Variants in SDAD1 observed in about 807,000 individuals in gnomAD.
SDAD1 encodes the protein SDA1 domain containing 1.
SDAD1 carries 79 observed loss-of-function variants against 100.3 expected under a neutral mutation model. The observed-to-expected ratio is 0.79, with a 90% CI of 0.66 to 0.95. The LOEUF is 0.95. SDAD1 is among the 40% of genes least tolerant of loss of function. The pLI is 0.00. For missense variants in SDAD1, 790 were observed against 810.9 expected, an observed-to-expected ratio of 0.97 and a Z score of 0.31; for synonymous variants, 267 against 271.4, an observed-to-expected ratio of 0.98 and a Z score of 0.16.
intron 1 of SDAD1, 178 bp downstream of exon 1, chr4:75,990,574 G>A: frequency 7.5e-7 from 1 of 1,335,512 alleles, no homozygotes. Flanking sequence ...TCAAGAGGTG[G>A]GGAACGAACC....
chr4:75,949,958 G>A lies in SDAD1; in HGVS notation c.*792C>T, dbSNP rs990636243. ...TTTTATTGAGACAAGGTAAACAGTG[G>A]GCTGAAAATATTACAGGCTGAAGGA... On this transcript the variant is annotated 3_prime_UTR_variant, in exon 22 of 22. Coordinates refer to ENST00000356260, the MANE Select transcript of SDAD1 (RefSeq NM_018115.4). 10 of 152,428 alleles carry A rather than the reference G, an allele frequency of 6.6e-5. No individual in the cohort carries two copies. The highest frequency in any genetic ancestry group is 2.2e-4 in the African/African-American group (9 of 41,370). The allele number at this position is 152,428 out of a possible 1,614,324, so 9.4% of individuals were successfully genotyped here.
chr4:75,980,071 T>C (rs759559659), intron 3 of SDAD1, among the ~76,000 whole-genome samples: 5 of 152,196 alleles, frequency 3.3e-5, no homozygotes, highest in Non-Finnish European at 7.3e-5. Flanking sequence ...AAAGAAATCC[T>C]AATTACTTGG....
chr4:75,958,277 T>C (rs1043506853), intron 17 of SDAD1, among the ~76,000 whole-genome samples: 1 of 152,206 alleles, frequency 6.6e-6, no homozygotes, highest in Non-Finnish European at 1.5e-5. Context: ...ATGAAAATCA[T>C]GTCTACCTTT....
Position 75,961,304 on chromosome 4 carries a change from T to G in SDAD1, c.1186A>C (p.Asn396His). Residue 396 changes from asparagine (N) to histidine (H), a missense_variant, in exon 15 of 22, where the codon AAT becomes CAT. Transcript: ENST00000356260. ...NSGEVMTVGINAIKEITARCP... is the reference protein window; with the variant it reads ...NSGEVMTVGIHAIKEITARCP... Reference sequence around the variant, plus strand: ...CGAGCTGTTATCTCCTTTATAGCATTGATTCTAGAAAAAGAAAAACAAAGT... The same window carrying G: ...CGAGCTGTTATCTCCTTTATAGCATGGATTCTAGAAAAAGAAAAACAAAGT... The G allele has an allele frequency of 6.2e-7, 1 of 1,610,452 alleles. No individual in the cohort carries two copies. The highest frequency in any genetic ancestry group is 8.5e-7 in the Non-Finnish European group (1 of 1,178,128).
chr4:75,983,251 A>C (rs1262132747), intron 1 of SDAD1, among the ~76,000 whole-genome samples: 1 of 152,204 alleles, frequency 6.6e-6, no homozygotes, highest in Non-Finnish European at 1.5e-5. Flanking sequence ...TGCAATAAAC[A>C]TATGTGTACA....
chr4:75,990,647 G>T, intron 1 of SDAD1, 105 bp downstream of exon 1: 1 of 1,601,122 alleles, frequency 6.2e-7, no homozygotes, highest in Non-Finnish European at 8.5e-7. Flanking sequence ...CCTAACAGAA[G>T]AATAGGCGGC....
intron 2 of SDAD1, 131 bp downstream of exon 2, chr4:75,981,800 CAA>C (rs1279040666): frequency 1.3e-6 from 1 of 784,628 alleles, no homozygotes; most frequent in East Asian, 2.7e-5. Context: ...ATAAAATTTG[CAA>C]AAAGGGAAAG....
intron 21 of SDAD1, 69 bp downstream of exon 21, chr4:75,955,906 G>A (rs1578112200): frequency 1.6e-5 from 24 of 1,504,298 alleles, no homozygotes; most frequent in Middle Eastern, 2.5e-4. Context: ...GCGCAAGTCC[G>A]TCTCAAATGT....
intron 10 of SDAD1, 35 bp downstream of exon 10, chr4:75,970,274 G>C: frequency 1.3e-6 from 2 of 1,565,066 alleles, no homozygotes; most frequent in South Asian, 1.1e-5. Context: ...GCAGAGATAA[G>C]GCCAACAAGG....
intron 14 of SDAD1, among the ~76,000 whole-genome samples, chr4:75,961,731 A>C (rs1168100527): frequency 6.6e-6 from 1 of 152,204 alleles, no homozygotes; most frequent in Non-Finnish European, 1.5e-5. Flanking sequence ...ATACTCATTA[A>C]GTGTTTTTTA....
rs777899929 is a variant in SDAD1 at position 75,977,765 on chromosome 4, G to C, written c.295-9C>G. On this transcript the variant is annotated splice_polypyrimidine_tract_variant and intron_variant, in intron 3 of 21. Coordinates refer to ENST00000356260, the MANE Select transcript of SDAD1 (RefSeq NM_018115.4). ...AAAGCTTTGCAAAATGTCTCGGGAAGGAAAAAAACATACCATAAGACAATG... is the reference window on the plus strand; with the variant it reads ...AAAGCTTTGCAAAATGTCTCGGGAACGAAAAAAACATACCATAAGACAATG... 6.5e-7 allele frequency: 1 copy of C among 1,530,144 alleles called. No homozygotes were observed. Among genetic ancestry groups the C allele is most frequent in the East Asian group, 2.3e-5 (1 of 44,362 alleles). The allele number at this position is 1,530,144 out of a possible 1,614,324, so 94.8% of individuals were successfully genotyped here.
intron 21 of SDAD1, among the ~76,000 whole-genome samples, chr4:75,954,590 T>C (rs887369650): frequency 1.3e-5 from 2 of 152,128 alleles, no homozygotes; most frequent in African/African-American, 4.8e-5. Context: ...GGAGGATCAC[T>C]TGTAGGGAGA....
At chr4:75,978,982 GAAAAAAAAAAAAAA>G (rs538009004) in intron 3 of SDAD1, among the ~76,000 whole-genome samples, 3 of 38,066 alleles carry the variant, frequency 7.9e-5, no homozygotes, top group South Asian at 3.7e-3. Flanking sequence ...CCCTGTCTCA[GAAAAAAAAAAAAAA>G]AAAAAAAAAA....
Position 75,957,011 on chromosome 4 carries a change from G to A in SDAD1, c.1854+314C>T, listed in dbSNP as rs564204435. Among the ~76,000 whole-genome samples the A allele has an allele frequency of 2.1e-4, 32 of 152,332 alleles. No individual in the cohort carries two copies. The East Asian group carries it at 5.6e-3, about 27-fold the overall frequency. On this transcript the variant is annotated intron_variant, in intron 20 of 21. Coordinates refer to ENST00000356260, the MANE Select transcript of SDAD1 (RefSeq NM_018115.4). Reference sequence around the variant, plus strand: ...TGTTACCCCAGCTACTTAGGAGGCTGAAGCAGGAGAATCGCTTGAACCTAG... The same window carrying A: ...TGTTACCCCAGCTACTTAGGAGGCTAAAGCAGGAGAATCGCTTGAACCTAG...
chr4:75,973,278 T>TAAAAGG, intron 8 of SDAD1, 39 bp downstream of exon 8: 2 of 1,522,586 alleles, frequency 1.3e-6, no homozygotes, highest in Non-Finnish European at 1.8e-6. Context: ...AGAGCAATAA[T>TAAAAGG]AAAAGGTAAG....
intron 12 of SDAD1, among the ~76,000 whole-genome samples, chr4:75,966,777 CTTTTCTTTTT>C: frequency 6.6e-6 from 1 of 152,076 alleles, no homozygotes; most frequent in South Asian, 2.1e-4. Flanking sequence ...GTTTTCTTTT[CTTTTCTTTTT>C]GAGACAGAGT....
At position 75,950,614 on chromosome 4, in the gene SDAD1, C is replaced by T. The variant is rs1226333946; in HGVS notation, c.*136G>A. 1.9e-6 allele frequency: 1 copy of T among 513,116 alleles called. No individual in the cohort carries two copies. Among genetic ancestry groups the T allele is most frequent in the East Asian group, 2.9e-5 (1 of 34,286 alleles). 31.8% of individuals were successfully genotyped at this position (513,116 alleles called of 1,614,324 possible). On this transcript the variant is annotated 3_prime_UTR_variant, in exon 22 of 22. Coordinates refer to ENST00000356260, the MANE Select transcript of SDAD1 (RefSeq NM_018115.4). ...TCTCCAAAATAAAAACACAAAATTG[C>T]TGCCACATGTTCAGCAGTTTTCACA...
At chr4:75,959,589 G>A (rs549580809) in intron 17 of SDAD1, among the ~76,000 whole-genome samples, 8 of 151,616 alleles carry the variant, frequency 5.3e-5, no homozygotes, top group East Asian at 1.9e-4. Context: ...GGGCAAGAGC[G>A]AGACTCCAAC....
Position 75,975,793 on chromosome 4 carries a change from C to G in SDAD1, c.529G>C (p.Ala177Pro). ...TMLRDSNATA[A>P]KMSLDVMIEL... ...ATCATTACATCTAAAGACATCTTGG[C>G]TGCGGTTGCATTGCTATCTCTTAAC... The change falls in exon 6 of 22, where the codon GCC becomes CCC. Residue 177 changes from alanine to proline, a missense_variant. Coordinates refer to ENST00000356260, the MANE Select transcript of SDAD1 (RefSeq NM_018115.4). 6.2e-7 allele frequency: 1 copy of G among 1,613,972 alleles called. No individual in the cohort carries two copies.
Sources: allele counts gnomAD v4.1 joint callset (sites outside exome capture counted in the v4.1 genomes callset), GRCh38; gene constraint gnomAD v4.1.1; transcripts MANE v1.5; gene names NCBI Gene and HGNC (gene_info 2026-07-23, HGNC 2026-07-21).